The following ALK variants were observed in gnomAD, a reference collection of about 807,000 sequenced individuals.
ALK encodes ALK receptor tyrosine kinase, also known as ALK tyrosine kinase receptor.
Under a neutral mutation model 163.1 loss-of-function variants are expected in ALK, and 74 were observed. The ratio of observed to expected loss-of-function variants is 0.45; its 90% confidence interval spans 0.38 to 0.55. The LOEUF (loss-of-function observed/expected upper bound fraction) is 0.55, where lower values mean the gene tolerates loss of function less well. Ranked by LOEUF, ALK falls within the 20% of genes least tolerant of loss-of-function variation. ALK has a pLI of 0.00. For missense variants in ALK, 2,063 were observed against 2,105.3 expected (o/e 0.98, Z 0.39); for synonymous variants, 960 against 843.2 (o/e 1.14, Z -2.40).
chr2:29,775,885 G>A lies in ALK; in HGVS notation c.668-58188C>T, dbSNP rs193141969. On this transcript the variant is annotated intron_variant, in intron 1 of 28. Coordinates refer to ENST00000389048, the MANE Select transcript of ALK (RefSeq NM_004304.5). ...TATTGCAGTGAAGGAGAATCATAAA[G>A]GTCAGGGCACCATGGGGTATTTCAC... Among the ~76,000 whole-genome samples the A allele has an allele frequency of 3.0e-3, 451 of 152,324 alleles. 2 individuals carry two copies. The highest frequency in any genetic ancestry group is 0.01 in the African/African-American group (423 of 41,582).
In ALK at chr2:29,242,007, C is replaced by T. The variant is rs191839118; in HGVS notation, c.2205-2177G>A. ...ATTTGCCCCTCCTAATTCCCAGACT[C>T]TCAGCCAAACACTCCCTCCTGATCC... On this transcript the variant is annotated intron_variant, in intron 12 of 28. Coordinates refer to ENST00000389048, the MANE Select transcript of ALK (RefSeq NM_004304.5). Among the ~76,000 whole-genome samples, 21 of 152,226 alleles carry T rather than the reference C, an allele frequency of 1.4e-4. No homozygotes were observed. In the East Asian group the frequency reaches 3.5e-3, roughly 25 times the overall value.
intron 1 of ALK, among the ~76,000 whole-genome samples, chr2:29,885,611 G>A (rs1311794349): frequency 6.6e-6 from 1 of 151,194 alleles, no homozygotes; most frequent in Non-Finnish European, 1.5e-5. Context: ...TATGGGTGTT[G>A]GAGAAGTTCA....
chr2:29,217,919 C>T (rs925413194), intron 23 of ALK, among the ~76,000 whole-genome samples: 5 of 152,200 alleles, frequency 3.3e-5, no homozygotes, highest in Admixed American at 2.0e-4. Context: ...GGCCGATTCA[C>T]CCTCCTTTAT....
At chr2:29,638,927 T>C (rs755298946) in intron 3 of ALK, among the ~76,000 whole-genome samples, 5 of 152,194 alleles carry the variant, frequency 3.3e-5, no homozygotes, top group Non-Finnish European at 7.4e-5. Flanking sequence ...GCATCCCGTG[T>C]TCAGTACATG....
chr2:29,729,367 G>C (rs964477332), intron 1 of ALK, among the ~76,000 whole-genome samples: 7 of 152,214 alleles, frequency 4.6e-5, no homozygotes, highest in African/African-American at 1.7e-4. Context: ...GGAAGGAGAA[G>C]GGAGAGATGG....
chr2:29,442,531 T>C (rs1454620161), intron 4 of ALK, among the ~76,000 whole-genome samples: 1 of 152,160 alleles, frequency 6.6e-6, no homozygotes, highest in African/African-American at 2.4e-5. Flanking sequence ...CTGGCGATCT[T>C]CAATATTCTC....
At chr2:29,885,863 A>G (rs1666972702) in intron 1 of ALK, among the ~76,000 whole-genome samples, 1 of 152,332 alleles carries the variant, frequency 6.6e-6, no homozygotes, top group Non-Finnish European at 1.5e-5. Context: ...AGAAGAATTG[A>G]TATTGTATAG....
intron 4 of ALK, among the ~76,000 whole-genome samples, chr2:29,384,675 TTTAC>T (rs1558301257): frequency 6.6e-6 from 1 of 152,216 alleles, no homozygotes; most frequent in Non-Finnish European, 1.5e-5. Flanking sequence ...TGTGGATTTA[TTTAC>T]TTACTTATTT....
intron 8 of ALK, among the ~76,000 whole-genome samples, chr2:29,302,898 A>G (rs1192734902): frequency 1.3e-5 from 2 of 152,208 alleles, no homozygotes; most frequent in Non-Finnish European, 2.9e-5. Flanking sequence ...ACTGAAATGT[A>G]AGACATCAAA....
At chr2:29,210,570 T>C (rs1669437972) in intron 24 of ALK, among the ~76,000 whole-genome samples, 1 of 152,098 alleles carries the variant, frequency 6.6e-6, no homozygotes, top group African/African-American at 2.4e-5. Context: ...GTAGCTGGGG[T>C]TACAGGCATG....
At chr2:29,496,258 TC>T (rs1176455146) in intron 4 of ALK, among the ~76,000 whole-genome samples, 1 of 152,254 alleles carries the variant, frequency 6.6e-6, no homozygotes, top group African/African-American at 2.4e-5. Context: ...TTACATCAGA[TC>T]CAAGCTTATT....
chr2:29,400,195 A>T (rs1669410426), intron 4 of ALK, among the ~76,000 whole-genome samples: 1 of 152,202 alleles, frequency 6.6e-6, no homozygotes, highest in African/African-American at 2.4e-5. Context: ...TGTATTATAA[A>T]AATCTTTTGA....
At position 29,718,773 on chromosome 2, in the gene ALK, C is replaced by T. The variant is rs180777428; in HGVS notation, c.668-1076G>A. 6.6e-3 allele frequency among the ~76,000 whole-genome samples: 1,003 copies of T among 152,226 alleles called. 4 individuals are homozygous for T. Among genetic ancestry groups the T allele is most frequent in the Non-Finnish European group, 0.01 (705 of 68,010 alleles). On this transcript the variant is annotated intron_variant, in intron 1 of 28. Transcript: ENST00000389048. ...CCCAGGTTTGCCTCATATCAGCAGG[C>T]CATGTTCTATGGTGAATGGGCTGAC... is the stretch of plus-strand genomic sequence containing the variant.
chr2:29,525,350 C>G (rs1299627146), intron 4 of ALK, among the ~76,000 whole-genome samples: 1 of 152,156 alleles, frequency 6.6e-6, no homozygotes, highest in Non-Finnish European at 1.5e-5. Context: ...TTATATAAAG[C>G]TACCCGCTTA....
intron 4 of ALK, among the ~76,000 whole-genome samples, chr2:29,460,361 C>T (rs3923554): frequency 0.52 from 78,415 of 151,968 alleles, 21,083 homozygotes; most frequent in South Asian, 0.62. Context: ...TGTTACCCAG[C>T]GGAGGACATA....
At chr2:29,683,583 C>G (rs1173391215) in intron 3 of ALK, among the ~76,000 whole-genome samples, 2 of 152,096 alleles carry the variant, frequency 1.3e-5, no homozygotes, top group African/African-American at 4.8e-5. Context: ...ATCTGAAGCC[C>G]TGTGTATTCT....
intron 3 of ALK, among the ~76,000 whole-genome samples, chr2:29,652,296 C>T (rs935701852): frequency 1.3e-5 from 2 of 151,920 alleles, no homozygotes; most frequent in Non-Finnish European, 2.9e-5. Flanking sequence ...GTCTGCTGCC[C>T]ATAGTGAAAT....
chr2:29,913,763 G>A (rs189636459), intron 1 of ALK, among the ~76,000 whole-genome samples: 106 of 152,174 alleles, frequency 7.0e-4, no homozygotes, highest in African/African-American at 4.1e-4. Flanking sequence ...TGGGTTATAC[G>A]TCTCCAGGGA....
At position 29,920,190 on chromosome 2, in the gene ALK, G is replaced by A. The variant is rs775385954; in HGVS notation, c.470C>T (p.Pro157Leu). Residue 157 changes from proline (P) to leucine (L), a missense_variant, in exon 1 of 29, where the codon CCC becomes CTC. Pro to Leu is a moderately conservative substitution (Grantham distance 98). Coordinates refer to ENST00000389048, the MANE Select transcript of ALK (RefSeq NM_004304.5). ...CAGCCCCACAGCCGCCTCCCCGGGG[G>A]GCCCGACGCAACCCTCCAAGATCGC... ...EEAILEGCVG[P>L]PGEAAVGLLQ... 2.0e-5 allele frequency: 32 copies of A among 1,613,344 alleles called. No homozygotes were observed. The African/African-American group carries it at 3.3e-4, about 17-fold the overall frequency.
Sources: gnomAD v4.1 joint callset for allele counts (sites outside exome capture counted in the v4.1 genomes callset) on GRCh38, gnomAD v4.1.1 for gene constraint, MANE v1.5 for transcripts, NCBI Gene and HGNC (gene_info 2026-07-23, HGNC 2026-07-21) for gene names.